Variants in IFTAP observed in about 807,000 individuals in gnomAD.
IFTAP encodes intraflagellar transport associated protein, also known as intraflagellar transport-associated protein.
Under a neutral mutation model 19.4 loss-of-function variants are expected in IFTAP, and 19 were observed. The observed-to-expected ratio is 0.98, with a 90% CI of 0.68 to 1.44. The LOEUF is 1.44. IFTAP is among the 40% of genes most tolerant of loss of function. IFTAP has a pLI of 0.00. For missense variants in IFTAP, 240 were observed against 253.6 expected (o/e 0.95, Z 0.36); for synonymous variants, 85 against 83.5 (o/e 1.02, Z -0.10).
intron 1 of IFTAP, among the ~76,000 whole-genome samples, chr11:36,598,690 A>T (rs949037352): frequency 6.6e-6 from 1 of 152,170 alleles, no homozygotes; most frequent in African/African-American, 2.4e-5. Context: ...CTACTGAGTA[A>T]TAATACAGTG....
intron 1 of IFTAP, among the ~76,000 whole-genome samples, chr11:36,600,798 T>G (rs1851482193): frequency 6.6e-6 from 1 of 152,184 alleles, no homozygotes. Context: ...ACAACCTTTA[T>G]CTTATGGGAA....
At chr11:36,657,464 A>C (rs1326455482) in intron 5 of IFTAP, among the ~76,000 whole-genome samples, 2 of 152,146 alleles carry the variant, frequency 1.3e-5, no homozygotes, top group Non-Finnish European at 2.9e-5. Context: ...ATGGTATTAC[A>C]TGTAGCCTTG....
intron 2 of IFTAP, among the ~76,000 whole-genome samples, chr11:36,610,556 G>A (rs1851845162): frequency 6.6e-6 from 1 of 152,126 alleles, no homozygotes; most frequent in Non-Finnish European, 1.5e-5. Flanking sequence ...GTTGTTAAAA[G>A]CCTACTTTAA....
chr11:36,608,187 T>C (rs1851760601), intron 1 of IFTAP, among the ~76,000 whole-genome samples: 2 of 152,194 alleles, frequency 1.3e-5, no homozygotes, highest in Non-Finnish European at 2.9e-5. Context: ...ATAAACATTA[T>C]AGGGAAAGAT....
At chr11:36,633,634 G>A (rs1047982294) in intron 3 of IFTAP, among the ~76,000 whole-genome samples, 196 bp downstream of exon 3, 1 of 152,072 alleles carries the variant, frequency 6.6e-6, no homozygotes, top group African/African-American at 2.4e-5. Flanking sequence ...TATTGTTTAT[G>A]ATGATAACTG....
At chr11:36,614,925 T>C (rs973929848) in intron 2 of IFTAP, among the ~76,000 whole-genome samples, 1 of 145,566 alleles carries the variant, frequency 6.9e-6, no homozygotes, top group African/African-American at 2.7e-5. Context: ...TTAGTTTAAT[T>C]AGATCCCATT....
intron 1 of IFTAP, among the ~76,000 whole-genome samples, chr11:36,608,075 A>G (rs1483465072): frequency 6.6e-6 from 1 of 152,232 alleles, no homozygotes; most frequent in Non-Finnish European, 1.5e-5. Context: ...CTAGATCTGC[A>G]TATACTAAAG....
intron 2 of IFTAP, among the ~76,000 whole-genome samples, chr11:36,611,168 G>T (rs932266917): frequency 1.3e-5 from 2 of 152,048 alleles, no homozygotes; most frequent in African/African-American, 4.8e-5. Context: ...ATTCATTCAA[G>T]TGGCCCCCTA....
chr11:36,644,078 AAAATGTTTGC>A (rs1372271034), intron 4 of IFTAP, among the ~76,000 whole-genome samples: 1 of 152,240 alleles, frequency 6.6e-6, no homozygotes, highest in East Asian at 1.9e-4. Context: ...AGAATGAGAG[AAAATGTTTGC>A]AATCTACTCA....
In IFTAP at chr11:36,633,392, A is replaced by G. The variant is rs1456206721; in HGVS notation, c.245A>G (p.Asn82Ser). ...GAAGCAGATGACTACCATCTTAGAA[A>G]TAAAACCATCTTTCTTCGTACTTCA... ...KNEADDYHLR[N>S]KTIFLRTSSQ... The change falls in exon 3 of 6, where the codon AAT becomes AGT. Residue 82 changes from asparagine to serine, a missense_variant. Physicochemically the swap from Asn to Ser is conservative, Grantham distance 46 (BLOSUM62 1). Coordinates refer to ENST00000334307, the MANE Select transcript of IFTAP (RefSeq NM_138787.4). 8 of 1,605,086 alleles carry G rather than the reference A, an allele frequency of 5.0e-6. No homozygotes were observed. The highest frequency in any genetic ancestry group is 6.8e-6 in the Non-Finnish European group (8 of 1,176,032).
chr11:36,634,447 A>G (rs1433807753), intron 3 of IFTAP, among the ~76,000 whole-genome samples: 1 of 152,102 alleles, frequency 6.6e-6, no homozygotes, highest in Non-Finnish European at 1.5e-5. Context: ...CCTGAAACCT[A>G]TTCCCTGACC....
At chr11:36,617,754 C>A (rs1228946533) in intron 2 of IFTAP, among the ~76,000 whole-genome samples, 1 of 151,904 alleles carries the variant, frequency 6.6e-6, no homozygotes, top group Non-Finnish European at 1.5e-5. Context: ...CACCATGATG[C>A]AAAGAATTAG....
chr11:36,622,005 A>G (rs1282815025), intron 2 of IFTAP, among the ~76,000 whole-genome samples: 1 of 151,998 alleles, frequency 6.6e-6, no homozygotes, highest in Non-Finnish European at 1.5e-5. Context: ...CTATGAGTTA[A>G]TAAAATAACA....
intron 1 of IFTAP, among the ~76,000 whole-genome samples, chr11:36,606,440 T>A (rs1225473181): frequency 6.8e-6 from 1 of 146,516 alleles, no homozygotes; most frequent in African/African-American, 2.6e-5. Flanking sequence ...ATACTCTGTC[T>A]CTAAATAAAT....
intron 2 of IFTAP, among the ~76,000 whole-genome samples, chr11:36,627,852 TTATC>T (rs763972448): frequency 6.6e-6 from 1 of 151,078 alleles, no homozygotes; most frequent in Non-Finnish European, 1.5e-5. Context: ...AAAAAAAAAG[TTATC>T]TAGGGCATGC....
chr11:36,618,853 G>C (rs1234024175), intron 2 of IFTAP, among the ~76,000 whole-genome samples: 1 of 152,036 alleles, frequency 6.6e-6, no homozygotes, highest in Non-Finnish European at 1.5e-5. Context: ...TCTGGAGTCA[G>C]GGAGACTAGC....
chr11:36,613,433 A>G (rs1410347354), intron 2 of IFTAP, among the ~76,000 whole-genome samples: 2 of 152,016 alleles, frequency 1.3e-5, no homozygotes, highest in Non-Finnish European at 2.9e-5. Flanking sequence ...GTGTCTTGTT[A>G]TGGTCCAGAT....
chr11:36,638,195 C>T (rs1162591595), intron 4 of IFTAP, among the ~76,000 whole-genome samples: 9 of 152,098 alleles, frequency 5.9e-5, no homozygotes, highest in African/African-American at 9.7e-5. Context: ...CCCCCTCACC[C>T]GGCCCGTCAA....
At chr11:36,605,337 T>G (rs1224478871) in intron 1 of IFTAP, among the ~76,000 whole-genome samples, 1 of 137,542 alleles carries the variant, frequency 7.3e-6, no homozygotes, top group African/African-American at 2.7e-5. Context: ...AAAAGTACAC[T>G]GTGCACTTTC....
Sources: gnomAD v4.1 joint callset for allele counts (sites outside exome capture counted in the v4.1 genomes callset) on GRCh38, gnomAD v4.1.1 for gene constraint, MANE v1.5 for transcripts, NCBI Gene and HGNC (gene_info 2026-07-23, HGNC 2026-07-21) for gene names.